The following OXR1 variants were observed in gnomAD, a reference collection of about 807,000 sequenced individuals.
OXR1 encodes oxidation resistance protein 1.
A neutral mutation model predicts 104.6 loss-of-function variants in OXR1; 41 were observed. The ratio of observed to expected loss-of-function variants is 0.39; its 90% confidence interval spans 0.31 to 0.51. OXR1 has a LOEUF of 0.51. Among genes scored for constraint, OXR1 ranks in the 20% least tolerant of loss-of-function variants. The pLI, the probability that OXR1 is intolerant of heterozygous loss-of-function variation, is 0.77. For synonymous variants in OXR1, 348 were observed against 348.4 expected (o/e 1.00, Z 0.01); for missense variants, 955 against 1,031.9 (o/e 0.93, Z 1.02).
chr8:106,657,904 C>G, intron 3 of OXR1: 1 of 1,246,458 alleles, frequency 8.0e-7, no homozygotes, highest in Non-Finnish European at 1.0e-6. Flanking sequence ...GTCTGATGGG[C>G]CGGTGGGCGC....
intron 3 of OXR1, among the ~76,000 whole-genome samples, chr8:106,584,733 C>A (rs1328789795): frequency 6.6e-6 from 1 of 151,978 alleles, no homozygotes; most frequent in Non-Finnish European, 1.5e-5. Flanking sequence ...TTCTCAAGTG[C>A]TCCAGCAATA....
At chr8:106,292,107 A>C (rs536019160) in intron 1 of OXR1, among the ~76,000 whole-genome samples, 50 of 152,278 alleles carry the variant, frequency 3.3e-4, no homozygotes, top group African/African-American at 1.1e-3. Context: ...TATCCATGCT[A>C]TAGATCCTAC....
chr8:106,301,199 G>A (rs1481452095), intron 1 of OXR1, among the ~76,000 whole-genome samples: 3 of 152,142 alleles, frequency 2.0e-5, no homozygotes, highest in Non-Finnish European at 4.4e-5. Context: ...AAGAAGCAGC[G>A]CTTGTCACTG....
chr8:106,355,436 G>A (rs1245455985), intron 1 of OXR1, among the ~76,000 whole-genome samples: 1 of 151,592 alleles, frequency 6.6e-6, no homozygotes, highest in Non-Finnish European at 1.5e-5. Flanking sequence ...CCCAATACAG[G>A]GTTTTTTAAA....
intron 1 of OXR1, among the ~76,000 whole-genome samples, chr8:106,326,495 T>G (rs760428645): frequency 6.6e-6 from 1 of 152,220 alleles, no homozygotes; most frequent in African/African-American, 2.4e-5. Context: ...AGAAAAAGAA[T>G]AAAGTAACCA....
At position 106,648,009 on chromosome 8, in the gene OXR1, C is replaced by A. The variant is rs562782321; in HGVS notation, c.221-31201C>A. On this transcript the variant is annotated intron_variant, in intron 3 of 16. Transcript: ENST00000517566. ...ATATACTTCAATGTCTCTGTGTTTT[C>A]TCAGGATGTTACAGTTCTGCTTCTT... 3.3e-5 allele frequency among the ~76,000 whole-genome samples: 5 copies of A among 152,248 alleles called. No individual in the cohort carries two copies. In the East Asian group the frequency reaches 9.7e-4, roughly 29 times the overall value.
At chr8:106,520,770 C>G (rs1813197903) in intron 3 of OXR1, among the ~76,000 whole-genome samples, 1 of 152,176 alleles carries the variant, frequency 6.6e-6, no homozygotes, top group Non-Finnish European at 1.5e-5. Context: ...CTGTCGCCTT[C>G]TATTGCTTTT....
intron 2 of OXR1, among the ~76,000 whole-genome samples, chr8:106,367,460 T>C (rs1296868412): frequency 1.3e-5 from 2 of 152,206 alleles, no homozygotes; most frequent in African/African-American, 4.8e-5. Context: ...TCTTGCTCAA[T>C]TAGAGATAAA....
intron 13 of OXR1, 54 bp from the exon 14 acceptor site, chr8:106,740,289 C>T: frequency 7.1e-7 from 1 of 1,408,804 alleles, no homozygotes; most frequent in Non-Finnish European, 9.8e-7. Flanking sequence ...CATTAGTATT[C>T]TACATAATGA....
intron 2 of OXR1, among the ~76,000 whole-genome samples, chr8:106,484,673 T>A (rs1319011709): frequency 6.6e-6 from 1 of 151,952 alleles, no homozygotes; most frequent in South Asian, 2.1e-4. Context: ...CACTACCAAA[T>A]GCTGACAAGG....
At chr8:106,347,374 G>T (rs533727373) in intron 1 of OXR1, among the ~76,000 whole-genome samples, 1 of 152,134 alleles carries the variant, frequency 6.6e-6, no homozygotes. Flanking sequence ...GGTTATCACC[G>T]GAGAAGGTCT....
intron 3 of OXR1, among the ~76,000 whole-genome samples, chr8:106,596,637 G>A (rs1390461533): frequency 2.0e-5 from 3 of 152,092 alleles, no homozygotes; most frequent in Non-Finnish European, 4.4e-5. Flanking sequence ...AGTGGGCCTT[G>A]GTGACTTTTC....
At chr8:106,711,190 T>C (rs1368838594) in intron 10 of OXR1, among the ~76,000 whole-genome samples, 2 of 152,144 alleles carry the variant, frequency 1.3e-5, no homozygotes, top group Admixed American at 1.3e-4. Flanking sequence ...ACTAAAAGGA[T>C]GTAGTGGTCT....
chr8:106,522,580 A>G (rs1813342196), intron 3 of OXR1: 1 of 152,212 alleles, frequency 6.6e-6, no homozygotes, highest in Non-Finnish European at 1.5e-5. Context: ...TATTGATGTG[A>G]AATAAATGAA....
chr8:106,474,914 T>G (rs537295863), intron 2 of OXR1, among the ~76,000 whole-genome samples: 1 of 152,004 alleles, frequency 6.6e-6, no homozygotes, highest in Admixed American at 6.6e-5. Flanking sequence ...ACATAGATTC[T>G]GGAACCCAAA....
rs2131619184 is a variant in OXR1, at chr8:106,751,638, G to T, written c.*697G>T. Reference sequence around the variant, plus strand: ...ATTAAATTATCTGATAAAGTTACAAGTCACAAAGGAGAATGAGAACTTAAT... The same window carrying T: ...ATTAAATTATCTGATAAAGTTACAATTCACAAAGGAGAATGAGAACTTAAT... On this transcript the variant is annotated 3_prime_UTR_variant, in exon 17 of 17. Coordinates refer to ENST00000517566, the MANE Select transcript of OXR1 (RefSeq NM_001198533.2). The T allele has an allele frequency of 6.6e-6, 1 of 152,596 alleles. No homozygotes were observed. The highest frequency in any genetic ancestry group is 2.4e-5 in the African/African-American group (1 of 41,530). 9.5% of individuals were successfully genotyped at this position (152,596 alleles called of 1,614,324 possible).
intron 3 of OXR1, among the ~76,000 whole-genome samples, chr8:106,535,434 C>A (rs1232437890): frequency 6.6e-6 from 1 of 152,188 alleles, no homozygotes; most frequent in Non-Finnish European, 1.5e-5. Context: ...GTAAAAGAGT[C>A]TTCTCTGGGA....
chr8:106,686,890 A>G (rs1205043665), intron 6 of OXR1, among the ~76,000 whole-genome samples: 1 of 152,234 alleles, frequency 6.6e-6, no homozygotes, highest in Non-Finnish European at 1.5e-5. Context: ...AGGAAGAAAT[A>G]TAGAAGGAGA....
At chr8:106,359,777 G>T (rs114839223) in intron 2 of OXR1, 141 bp downstream of exon 2, 2 of 665,046 alleles carry the variant, frequency 3.0e-6, no homozygotes. Context: ...CCATGTTAGC[G>T]TAAAGAAAGC....
Sources: allele counts gnomAD v4.1 joint callset (sites outside exome capture counted in the v4.1 genomes callset), GRCh38; gene constraint gnomAD v4.1.1; transcripts MANE v1.5; gene names NCBI Gene and HGNC (gene_info 2026-07-23, HGNC 2026-07-21).